PSMB3: variants seen among roughly 807,000 people sequenced by gnomAD.
PSMB3 encodes the protein proteasome 20S subunit beta 3.
Under a neutral mutation model 23.3 loss-of-function variants are expected in PSMB3, and 5 were observed. The ratio of observed to expected loss-of-function variants is 0.21; its 90% CI spans 0.11 to 0.45. The LOEUF (loss-of-function observed/expected upper bound fraction) is 0.45. Among genes scored for constraint, PSMB3 ranks in the 20% least tolerant of loss-of-function variants. The pLI, the probability that PSMB3 is intolerant of heterozygous loss-of-function variation, is 0.99. For synonymous variants in PSMB3, 85 were observed against 99.8 expected (o/e 0.85, Z 0.88); for missense variants, 192 against 277.9 (o/e 0.69, Z 2.20).
In PSMB3 at chr17:38,752,777, G is replaced by A. The variant is rs757840405; in HGVS notation, c.-50G>A. The A allele has an allele frequency of 5.6e-6, 9 of 1,613,154 alleles. No homozygotes were observed. The highest frequency in any genetic ancestry group is 1.1e-5 in the South Asian group (1 of 91,076). ...CGGTTGCGCAGTGAAGGCTAGACCC[G>A]GTTTACTGGAATTGCTCTGGCGATC... On this transcript the variant is annotated 5_prime_UTR_variant, in exon 1 of 6. Coordinates refer to ENST00000619426, the MANE Select transcript of PSMB3 (RefSeq NM_002795.4). The surrounding 1 kb of genome is among the most constrained non-coding windows in gnomAD (Gnocchi z 5.5).
In PSMB3 at chr17:38,764,071, C is replaced by T. The variant is rs374148910; in HGVS notation, c.570-48C>T. 2.4e-5 allele frequency: 39 copies of T among 1,610,410 alleles called. No homozygotes were observed. In the East Asian group the frequency reaches 4.9e-4, roughly 20 times the overall value. Reference sequence around the variant, plus strand: ...GGGCCAGGAGAGCTAGTCACAGTCACGGTCCAGATGGGTAGAGATGTTTTC... The same window carrying T: ...GGGCCAGGAGAGCTAGTCACAGTCATGGTCCAGATGGGTAGAGATGTTTTC... On this transcript the variant is annotated intron_variant, in intron 5 of 5. Transcript: ENST00000619426.
intron 2 of PSMB3, among the ~76,000 whole-genome samples, chr17:38,755,618 C>T (rs923681732): frequency 6.9e-6 from 1 of 145,774 alleles, no homozygotes; most frequent in Non-Finnish European, 1.5e-5. Flanking sequence ...CACTGCACTC[C>T]AGCCTGGGCG....
rs778192353 is a variant in PSMB3, at chr17:38,762,491, C to G, written c.555C>G (p.Val185=). The G allele has an allele frequency of 6.2e-7, 1 of 1,613,748 alleles. No homozygotes were observed. Among genetic ancestry groups the G allele is most frequent in the Non-Finnish European group, 8.5e-7 (1 of 1,179,752 alleles). The part of the protein sequence containing the change: ...VDRDAVSGMG[V]IVHIIEKDKI... ...GGGATGCAGTGTCAGGCATGGGAGTCATTGTCCACATCATGTGAGTATGGG... is the reference window on the plus strand; with the variant it reads ...GGGATGCAGTGTCAGGCATGGGAGTGATTGTCCACATCATGTGAGTATGGG... The change falls in exon 5 of 6, where the codon GTC becomes GTG. Residue 185 remains valine, a synonymous_variant. Coordinates refer to ENST00000619426, the MANE Select transcript of PSMB3 (RefSeq NM_002795.4).
chr17:38,760,187 G>T (rs1238592445), intron 3 of PSMB3, among the ~76,000 whole-genome samples: 1 of 152,196 alleles, frequency 6.6e-6, no homozygotes, highest in Non-Finnish European at 1.5e-5. Context: ...GAGCACAAGA[G>T]GGTCAGAGGT....
chr17:38,755,657 AAAATATAT>A (rs1424785723), intron 2 of PSMB3, among the ~76,000 whole-genome samples: 1 of 74,756 alleles, frequency 1.3e-5, no homozygotes. Context: ...AAAAAAAAAA[AAAATATAT>A]ATATATATAT....
intron 3 of PSMB3, among the ~76,000 whole-genome samples, chr17:38,760,100 C>T (rs1255764047): frequency 6.6e-6 from 1 of 152,116 alleles, no homozygotes; most frequent in Non-Finnish European, 1.5e-5. Context: ...TAAACATACA[C>T]ATAGAGGACT....
rs778981493 is a variant in PSMB3 at position 38,753,255 on chromosome 17, A to G, written c.109A>G (p.Thr37Ala). Residue 37 changes from threonine to alanine, a missense_variant, in exon 2 of 6, where the codon ACG (threonine) becomes GCG (alanine). Physicochemically the swap from Thr to Ala is moderately conservative, Grantham distance 58. Transcript: ENST00000619426. Reference protein sequence around the residue: ...RFGIQAQMVTTDFQKIFPMGD... With the variant: ...RFGIQAQMVTADFQKIFPMGD... ...CGGGATCCAGGCCCAGATGGTGACC[A>G]CGGACTTCCAGAAGATCTTTCCCAT... 2 of 1,614,202 alleles carry G rather than the reference A, an allele frequency of 1.2e-6. No homozygotes were observed. The highest frequency in any genetic ancestry group is 2.2e-5 in the East Asian group (1 of 44,890).
chr17:38,753,485 T>G, intron 2 of PSMB3, 151 bp downstream of exon 2: 1 of 301,298 alleles, frequency 3.3e-6, no homozygotes, highest in South Asian at 6.9e-5. Context: ...TTCCCTTTCT[T>G]TTTTTTTTTT....
rs1908150814 is a variant in PSMB3 at position 38,755,674 on chromosome 17, ATATATATATGTGTG to A, written c.189-207_189-194del. Among the ~76,000 whole-genome samples, 10 of 91,288 alleles carry A rather than the reference ATATATATATGTGTG, an allele frequency of 1.1e-4. No individual in the cohort carries two copies. The East Asian group carries it at 1.4e-3, about 13-fold the overall frequency. 59.9% of individuals were successfully genotyped at this position (91,288 alleles called of 152,430 possible). On this transcript the variant is annotated intron_variant, in intron 2 of 5. Transcript: ENST00000619426. The stretch of plus-strand genomic sequence containing the variant: ...AAAAAAAAAAAATATATATATATAT[ATATATATATGTGTG>A]TGTGTGTGTGTGTGTGTGTGTGTGT...
Position 38,755,877 on chromosome 17 carries a change from C to T in PSMB3, c.189-6C>T. ...GACTTACTAACTCACTTTTCTCCTA[C>T]CTCAGTGCCCAGCGCCTCAAGTTCC... On this transcript the variant is annotated splice_polypyrimidine_tract_variant and splice_region_variant and intron_variant, in intron 2 of 5. Transcript: ENST00000619426. 6.2e-7 allele frequency: 1 copy of T among 1,612,962 alleles called. No individual in the cohort carries two copies.
chr17:38,755,829 G>T, intron 2 of PSMB3, 54 bp from the exon 3 acceptor site: 2 of 1,453,728 alleles, frequency 1.4e-6, no homozygotes. Flanking sequence ...CAACAGGGTA[G>T]ACACTCAGGA....
At position 38,755,680 on chromosome 17, in the gene PSMB3, A is replaced by ATGTGTGTG. The variant is rs1368083790; in HGVS notation, c.189-202_189-201insGTGTGTGT. On this transcript the variant is annotated intron_variant, in intron 2 of 5. Coordinates refer to ENST00000619426, the MANE Select transcript of PSMB3 (RefSeq NM_002795.4). The stretch of plus-strand genomic sequence containing the variant: ...AAAAAATATATATATATATATATAT[A>ATGTGTGTG]TATGTGTGTGTGTGTGTGTGTGTGT... Among the ~76,000 whole-genome samples the ATGTGTGTG allele has an allele frequency of 1.8e-4, 19 of 103,518 alleles. 1 individual carries two copies. The highest frequency in any genetic ancestry group is 1.5e-3 in the Admixed American group (13 of 8,730). The allele number at this position is 103,518 out of a possible 152,430, so 67.9% of individuals were successfully genotyped here. A position where few individuals can be genotyped will look rare whatever the true frequency, so the allele number is the denominator to read the frequency against.
chr17:38,757,078 C>T (rs1291280660), intron 3 of PSMB3, among the ~76,000 whole-genome samples: 1 of 122,340 alleles, frequency 8.2e-6, no homozygotes, highest in Non-Finnish European at 1.6e-5. Context: ...GACAAGGTTT[C>T]ACCACGCTGG....
chr17:38,755,605 C>T (rs914834864), intron 2 of PSMB3, among the ~76,000 whole-genome samples: 7 of 148,494 alleles, frequency 4.7e-5, no homozygotes, highest in African/African-American at 7.5e-5. Flanking sequence ...AGACTGACTG[C>T]GCCACTGCAC....
intron 3 of PSMB3, among the ~76,000 whole-genome samples, chr17:38,758,971 A>G (rs1481625479): frequency 6.6e-6 from 1 of 152,112 alleles, no homozygotes; most frequent in Non-Finnish European, 1.5e-5. Flanking sequence ...GCTCGAACCC[A>G]GGAGGCAGAG....
At chr17:38,757,982 G>T (rs1908279951) in intron 3 of PSMB3, among the ~76,000 whole-genome samples, 2 of 152,104 alleles carry the variant, frequency 1.3e-5, no homozygotes, top group Non-Finnish European at 1.5e-5. Flanking sequence ...TAATATCTGG[G>T]ATTATCTGGA....
chr17:38,764,083 G>GTTC, intron 5 of PSMB3, 36 bp from the exon 6 acceptor site: 1 of 1,613,666 alleles, frequency 6.2e-7, no homozygotes, highest in Non-Finnish European at 8.5e-7. Flanking sequence ...GTCCAGATGG[G>GTTC]TAGAGATGTT....
chr17:38,762,403 G>A lies in PSMB3; in HGVS notation c.475-8G>A. ...CTGTGGTTTGAAGGGGTTCCACTCTGTTGGCAGGATCCGGATCACCTGTTT... is the reference window on the plus strand; with the variant it reads ...CTGTGGTTTGAAGGGGTTCCACTCTATTGGCAGGATCCGGATCACCTGTTT... On this transcript the variant is annotated splice_region_variant and splice_polypyrimidine_tract_variant and intron_variant, in intron 4 of 5. Coordinates refer to ENST00000619426, the MANE Select transcript of PSMB3 (RefSeq NM_002795.4). 1.2e-6 allele frequency: 2 copies of A among 1,613,228 alleles called. No individual in the cohort carries two copies. Among genetic ancestry groups the A allele is most frequent in the Non-Finnish European group, 1.7e-6 (2 of 1,179,128 alleles).
At chr17:38,762,535 C>T (rs761717026) in intron 5 of PSMB3, 30 bp downstream of exon 5, 1 of 1,578,964 alleles carries the variant, frequency 6.3e-7, no homozygotes, top group Admixed American at 1.7e-5. Flanking sequence ...AGTCTAGAAG[C>T]TCTGCAGACA....
Sources: allele counts gnomAD v4.1 joint callset (sites outside exome capture counted in the v4.1 genomes callset), GRCh38; gene constraint gnomAD v4.1.1; non-coding constraint Gnocchi (gnomAD v3.1); transcripts MANE v1.5; gene names NCBI Gene and HGNC (gene_info 2026-07-23, HGNC 2026-07-21).